The following LIN7C variants were observed in gnomAD, a reference collection of about 807,000 sequenced individuals.
The protein encoded by LIN7C is protein lin-7 homolog C.
Under a neutral mutation model 24.7 loss-of-function variants are expected in LIN7C, and 17 were observed. The observed-to-expected ratio is 0.69, with a 90% CI of 0.47 to 1.03. The LOEUF (loss-of-function observed/expected upper bound fraction) is 1.03, where lower values mean the gene tolerates loss of function less well. Ranked by LOEUF, LIN7C falls within the 50% of genes least tolerant of loss-of-function variation. The probability of loss-of-function intolerance (pLI) is 0.00; values close to 1 mark genes in which losing one functional copy is unlikely to be tolerated. For synonymous variants in LIN7C, 90 were observed against 83.4 expected, an observed-to-expected ratio of 1.08 and a Z score of -0.43; for missense variants, 204 against 239.0, an observed-to-expected ratio of 0.85 and a Z score of 0.97.
rs1865191461 is a variant in LIN7C at position 27,498,497 on chromosome 11, G to T, written c.*152C>A. 2.8e-6 allele frequency: 2 copies of T among 714,074 alleles called. No individual in the cohort carries two copies. Among genetic ancestry groups the T allele is most frequent in the East Asian group, 2.7e-5 (1 of 36,904 alleles). 44.2% of individuals were successfully genotyped at this position (714,074 alleles called of 1,614,324 possible). A position where few individuals can be genotyped will look rare whatever the true frequency, so the allele number is the denominator to read the frequency against. ...TGTATGCATCTCTGGAACCATAAAT[G>T]ATGTTAAAATAGGCATTTATAAAAT... On this transcript the variant is annotated 3_prime_UTR_variant, in exon 5 of 5. Coordinates refer to ENST00000278193, the MANE Select transcript of LIN7C (RefSeq NM_018362.4).
intron 1 of LIN7C, among the ~76,000 whole-genome samples, chr11:27,504,674 A>G (rs1409674854): frequency 6.6e-6 from 1 of 152,216 alleles, no homozygotes; most frequent in Non-Finnish European, 1.5e-5. Flanking sequence ...TCTCTGATAT[A>G]AAATGATATA....
At chr11:27,500,495 G>A (rs374064902) in intron 3 of LIN7C, among the ~76,000 whole-genome samples, 37 of 152,230 alleles carry the variant, frequency 2.4e-4, no homozygotes, top group Admixed American at 1.3e-3. Flanking sequence ...AAACAGAGCC[G>A]TATCTTCTTT....
chr11:27,502,251 T>C (rs1486291463), intron 1 of LIN7C, among the ~76,000 whole-genome samples: 1 of 152,216 alleles, frequency 6.6e-6, no homozygotes, highest in East Asian at 1.9e-4. Context: ...GACTCAAATG[T>C]GACCGATACA....
Position 27,499,345 on chromosome 11 carries a change from A to C in LIN7C, c.438+14T>G. On this transcript the variant is annotated intron_variant, in intron 4 of 4. Coordinates refer to ENST00000278193, the MANE Select transcript of LIN7C (RefSeq NM_018362.4). ...CAACAGATCACTACAAATAGAAATAAAATTCATCCTTACCACTCCATTAAC... is the reference window on the plus strand; with the variant it reads ...CAACAGATCACTACAAATAGAAATACAATTCATCCTTACCACTCCATTAAC... The C allele has an allele frequency of 1.9e-6, 3 of 1,609,938 alleles. No homozygotes were observed. Among genetic ancestry groups the C allele is most frequent in the Non-Finnish European group, 2.6e-6 (3 of 1,176,378 alleles).
chr11:27,503,607 A>T (rs1423216710), intron 1 of LIN7C, among the ~76,000 whole-genome samples: 1 of 150,766 alleles, frequency 6.6e-6, no homozygotes, highest in Non-Finnish European at 1.5e-5. Flanking sequence ...TCTGCCTCCC[A>T]GGTTCAAGCA....
intron 4 of LIN7C, 47 bp downstream of exon 4, chr11:27,499,312 G>C: frequency 6.6e-7 from 1 of 1,507,596 alleles, no homozygotes; most frequent in Non-Finnish European, 9.2e-7. Context: ...TACGCCCCCA[G>C]GTGGTCACAA....
chr11:27,496,178 T>A lies in LIN7C; in HGVS notation c.*2471A>T. On this transcript the variant is annotated 3_prime_UTR_variant, in exon 5 of 5. Transcript: ENST00000278193. ...TTACAAAAAAAAAAAAAAGGGTGAT[T>A]TTGATTTAGTTGTTATGGAATAGGA... 6.6e-6 allele frequency: 1 copy of A among 151,810 alleles called. No individual in the cohort carries two copies. The allele number at this position is 151,810 out of a possible 1,614,324, so 9.4% of individuals were successfully genotyped here. A position where few individuals can be genotyped will look rare whatever the true frequency, so the allele number is the denominator to read the frequency against.
intron 2 of LIN7C, 93 bp downstream of exon 2, chr11:27,501,709 A>C: frequency 1.0e-6 from 1 of 957,426 alleles, no homozygotes. Flanking sequence ...AATGTTTTCT[A>C]AAGTTTTTCT....
intron 1 of LIN7C, 34 bp from the exon 2 acceptor site, chr11:27,501,954 C>T (rs1478342928): frequency 6.6e-6 from 9 of 1,368,342 alleles, no homozygotes; most frequent in Non-Finnish European, 9.4e-6. Flanking sequence ...TAATTTTCTC[C>T]AAGGGTTTTC....
rs2133486277 is a variant in LIN7C at position 27,498,025 on chromosome 11, A to G, written c.*624T>C. The G allele has an allele frequency of 6.6e-6, 1 of 152,258 alleles. No individual in the cohort carries two copies. The highest frequency in any genetic ancestry group is 2.1e-4 in the South Asian group (1 of 4,830). The allele number at this position is 152,258 out of a possible 1,614,324, so 9.4% of individuals were successfully genotyped here. On this transcript the variant is annotated 3_prime_UTR_variant, in exon 5 of 5. Coordinates refer to ENST00000278193, the MANE Select transcript of LIN7C (RefSeq NM_018362.4). Reference sequence around the variant, plus strand: ...TACTTTCATAAATCAGTATAAATGAATATCCATTATATATTATGTTTAAGT... The same window carrying G: ...TACTTTCATAAATCAGTATAAATGAGTATCCATTATATATTATGTTTAAGT...
chr11:27,506,069 T>C (rs1266632429), intron 1 of LIN7C, among the ~76,000 whole-genome samples: 2 of 152,210 alleles, frequency 1.3e-5, no homozygotes, highest in Non-Finnish European at 1.5e-5. Context: ...TTTGCAATTG[T>C]AGGGTTTGTA....
chr11:27,495,866 G>A lies in LIN7C; in HGVS notation c.*2783C>T, dbSNP rs1345829438. On this transcript the variant is annotated 3_prime_UTR_variant, in exon 5 of 5. Coordinates refer to ENST00000278193, the MANE Select transcript of LIN7C (RefSeq NM_018362.4). ...AGTGGCTCACGCCTATAATCCTAAT[G>A]CTTTGGGAGGCTGAGGTGGAAGCCA... The A allele has an allele frequency of 6.6e-6, 1 of 151,898 alleles. No individual in the cohort carries two copies. The highest frequency in any genetic ancestry group is 1.9e-4 in the East Asian group (1 of 5,170). The allele number at this position is 151,898 out of a possible 1,614,324, so 9.4% of individuals were successfully genotyped here.
Position 27,499,231 on chromosome 11 carries a change from A to G in LIN7C, c.438+128T>C, listed in dbSNP as rs975182830. The G allele has an allele frequency of 7.2e-6, 5 of 693,546 alleles. No homozygotes were observed. In the African/African-American group the frequency reaches 9.0e-5, roughly 13 times the overall value. The allele number at this position is 693,546 out of a possible 1,614,324, so 43.0% of individuals were successfully genotyped here. A position where few individuals can be genotyped will look rare whatever the true frequency, so the allele number is the denominator to read the frequency against. ...CTTAAAAAAAAGGATCACTGTATTA[A>G]TAGTACTGCCTAGGATTCCCTCAAG... On this transcript the variant is annotated intron_variant, in intron 4 of 4. Coordinates refer to ENST00000278193, the MANE Select transcript of LIN7C (RefSeq NM_018362.4).
rs529823159 is a variant in LIN7C at position 27,503,571 on chromosome 11, T to C, written c.38-1651A>G. ...CTCTGTTGCCCAGGCTGGAGTGCAGTGGCGCAATCTCCACTCACTGCAACC... is the reference window on the plus strand; with the variant it reads ...CTCTGTTGCCCAGGCTGGAGTGCAGCGGCGCAATCTCCACTCACTGCAACC... On this transcript the variant is annotated intron_variant, in intron 1 of 4. Transcript: ENST00000278193. Among the ~76,000 whole-genome samples the C allele has an allele frequency of 5.3e-5, 8 of 152,292 alleles. No individual in the cohort carries two copies. The South Asian group carries it at 1.5e-3, about 28-fold the overall frequency.
At chr11:27,501,254 T>G (rs1865222873) in intron 3 of LIN7C, among the ~76,000 whole-genome samples, 1 of 152,178 alleles carries the variant, frequency 6.6e-6, no homozygotes, top group Non-Finnish European at 1.5e-5. Flanking sequence ...TGTATGCAAG[T>G]ACATTTCTAT....
intron 4 of LIN7C, 37 bp from the exon 5 acceptor site, chr11:27,498,841 T>C: frequency 6.3e-7 from 1 of 1,578,902 alleles, no homozygotes; most frequent in Non-Finnish European, 8.6e-7. Flanking sequence ...TACACTAATA[T>C]CTAAGTTTTG....
chr11:27,501,983 T>TG, intron 1 of LIN7C, 63 bp from the exon 2 acceptor site: 1 of 983,982 alleles, frequency 1.0e-6, no homozygotes, highest in Non-Finnish European at 1.6e-6. Flanking sequence ...TATGTAACAG[T>TG]GGGGCAGTTA....
In LIN7C at chr11:27,495,494, A is replaced by AG. The variant is rs1865156715; in HGVS notation, c.*3154_*3155insC. 1 of 151,888 alleles carries AG rather than the reference A, an allele frequency of 6.6e-6. No homozygotes were observed. The highest frequency in any genetic ancestry group is 1.5e-5 in the Non-Finnish European group (1 of 68,144). The allele number at this position is 151,888 out of a possible 1,614,324, so 9.4% of individuals were successfully genotyped here. ...TCTCAAAAAAAAACAAAAACAAAAA[A>AG]CAAAAAAAAAATTTGAATCGTCAAA... On this transcript the variant is annotated 3_prime_UTR_variant, in exon 5 of 5. Coordinates refer to ENST00000278193, the MANE Select transcript of LIN7C (RefSeq NM_018362.4).
Position 27,501,504 on chromosome 11 carries a change from A to T in LIN7C, c.219T>A (p.Ala73=). 6.3e-7 allele frequency: 1 copy of T among 1,597,064 alleles called. No individual in the cohort carries two copies. Among genetic ancestry groups the T allele is most frequent in the Non-Finnish European group, 8.5e-7 (1 of 1,174,030 alleles). The change falls in exon 3 of 5, where the codon GCT becomes GCA. Residue 73 remains alanine, a synonymous_variant. Coordinates refer to ENST00000278193, the MANE Select transcript of LIN7C (RefSeq NM_018362.4). ...AAACAAAAAAATTTACCTTTGCAGT[A>T]GCGTTCGCTCTCACTTCAGGACTGC... is the stretch of plus-strand genomic sequence containing the variant. ...ISSSPEVRAN[A]TAKATVAAFA... is the part of the protein sequence containing the mutation.
Sources: allele counts gnomAD v4.1 joint callset (sites outside exome capture counted in the v4.1 genomes callset), GRCh38; gene constraint gnomAD v4.1.1; transcripts MANE v1.5; gene names NCBI Gene and HGNC (gene_info 2026-07-23, HGNC 2026-07-21).